The following RAB11FIP5 variants were observed in gnomAD, a reference collection of about 807,000 sequenced individuals.
RAB11FIP5 encodes RAB11 family interacting protein 5.
A neutral mutation model predicts 85.1 loss-of-function variants in RAB11FIP5; 48 were observed. The ratio of observed to expected loss-of-function variants is 0.56; its 90% CI spans 0.45 to 0.72. The LOEUF is 0.72. RAB11FIP5 is among the 30% of genes least tolerant of loss of function. The pLI is 0.00. For missense variants in RAB11FIP5, 1,491 were observed against 1,687.0 expected (o/e 0.88, Z 2.04); for synonymous variants, 729 against 727.3 (o/e 1.00, Z -0.04).
chr2:73,080,687 G>A lies in RAB11FIP5; in HGVS notation c.2545C>T (p.Leu849=). ...TCATCAGACTCTCCCCGAAAGACTAGTGAGGCTGTCTCAGCTGCAGGAGAA... is the reference window on the plus strand; with the variant it reads ...TCATCAGACTCTCCCCGAAAGACTAATGAGGCTGTCTCAGCTGCAGGAGAA... The part of the protein sequence containing the change: ...TISPAAETAS[L]VFRGESDEPA... Residue 849 remains leucine (L), a synonymous_variant, in exon 4 of 6, where the codon CTA becomes TTA. Transcript: ENST00000486777. The A allele has an allele frequency of 7.3e-6, 9 of 1,232,546 alleles. No individual in the cohort carries two copies. Among genetic ancestry groups the A allele is most frequent in the Non-Finnish European group, 9.1e-6 (9 of 988,094 alleles). 76.4% of individuals were successfully genotyped at this position (1,232,546 alleles called of 1,614,324 possible).
Position 73,079,679 on chromosome 2 carries a change from G to A in RAB11FIP5, c.3553C>T (p.Pro1185Ser). The A allele has an allele frequency of 2.4e-6, 3 of 1,233,444 alleles. No individual in the cohort carries two copies. Among genetic ancestry groups the A allele is most frequent in the Non-Finnish European group, 3.0e-6 (3 of 988,988 alleles). 76.4% of individuals were successfully genotyped at this position (1,233,444 alleles called of 1,614,324 possible). The change falls in exon 4 of 6, where the codon CCA (proline) becomes TCA (serine). Residue 1185 changes from proline (P) to serine (S), a missense_variant. Transcript: ENST00000486777. ...GCACTGGGCTGTGGCTCCTCAGCTG[G>A]TCGTGTCTCCAAGGGCAGAAGCACA... is the stretch of plus-strand genomic sequence containing the variant. ...PLVLLPLETRPAEEPQPSASP... is the reference protein window; with the variant it reads ...PLVLLPLETRSAEEPQPSASP...
chr2:73,112,307 G>GTAA, intron 1 of RAB11FIP5, 40 bp downstream of exon 1: 1 of 1,525,648 alleles, frequency 6.6e-7, no homozygotes, highest in Non-Finnish European at 8.7e-7. Context: ...CGCCCTGTTA[G>GTAA]GCCTTTAGCC....
rs997325479 is a variant in RAB11FIP5 at position 73,074,293 on chromosome 2, G to A, written c.*1228C>T. 1 of 152,386 alleles carries A rather than the reference G, an allele frequency of 6.6e-6. No homozygotes were observed. Among genetic ancestry groups the A allele is most frequent in the African/African-American group, 2.4e-5 (1 of 41,458 alleles). The allele number at this position is 152,386 out of a possible 1,614,324, so 9.4% of individuals were successfully genotyped here. On this transcript the variant is annotated 3_prime_UTR_variant, in exon 6 of 6. Transcript: ENST00000486777. The stretch of plus-strand genomic sequence containing the variant: ...TCTTCCAGGCAAGCTGACTGGTCTA[G>A]TATGGCTAAGTCCTGAGGCCAGACA...
chr2:73,076,525 C>T (rs1185089555), intron 4 of RAB11FIP5, among the ~76,000 whole-genome samples: 1 of 152,110 alleles, frequency 6.6e-6, no homozygotes, highest in Non-Finnish European at 1.5e-5. Flanking sequence ...CAGCCATCTT[C>T]CCTCCTTTCT....
rs534664748 is a variant in RAB11FIP5 at position 73,074,994 on chromosome 2, A to C, written c.*527T>G. 4.3e-5 allele frequency: 15 copies of C among 352,702 alleles called. No individual in the cohort carries two copies. The highest frequency in any genetic ancestry group is 3.1e-4 in the South Asian group (14 of 45,820). The allele number at this position is 352,702 out of a possible 1,614,324, so 21.8% of individuals were successfully genotyped here. ...CACACAGGCTTCTTGCTCTCAGGGGAATGGGTGTGAGGCTGAAGAGGCTGG... is the reference window on the plus strand; with the variant it reads ...CACACAGGCTTCTTGCTCTCAGGGGCATGGGTGTGAGGCTGAAGAGGCTGG... On this transcript the variant is annotated 3_prime_UTR_variant, in exon 6 of 6. Coordinates refer to ENST00000486777, the MANE Select transcript of RAB11FIP5 (RefSeq NM_001371272.1).
chr2:73,081,103 C>A lies in RAB11FIP5; in HGVS notation c.2129G>T (p.Gly710Val). 9.1e-7 allele frequency: 1 copy of A among 1,099,782 alleles called. No individual in the cohort carries two copies. The highest frequency in any genetic ancestry group is 4.1e-5 in the East Asian group (1 of 24,458). The allele number at this position is 1,099,782 out of a possible 1,614,324, so 68.1% of individuals were successfully genotyped here. The change falls in exon 4 of 6, where the codon GGA becomes GTA. Residue 710 changes from glycine (G) to valine (V), a missense_variant. By Grantham distance (109) the Gly-to-Val change is moderately radical. Around this residue, in one of 3 missense-constraint regions of RAB11FIP5, gnomAD observed 1,211 missense variants for 1,338.0 expected, o/e 0.91. Transcript: ENST00000486777. The surrounding 1 kb of genome is among the most constrained non-coding windows in gnomAD (Gnocchi z 4.2). ...CACGCTGCTCCCACCTCTTCCTCCTCCTCCTCCTCCTCCTCCTCCTCCTCC... is the reference window on the plus strand; with the variant it reads ...CACGCTGCTCCCACCTCTTCCTCCTACTCCTCCTCCTCCTCCTCCTCCTCC... ...PGGGGGGGGG[G>V]GGRGGSSVWL...
chr2:73,076,257 T>A, intron 4 of RAB11FIP5, 75 bp from the exon 5 acceptor site: 1 of 1,365,128 alleles, frequency 7.3e-7, no homozygotes, highest in Non-Finnish European at 1.0e-6. Context: ...GCCTTCCCTG[T>A]GGAGCCTCCA....
intron 1 of RAB11FIP5, among the ~76,000 whole-genome samples, chr2:73,095,615 T>C (rs1235287127): frequency 6.6e-6 from 1 of 152,178 alleles, no homozygotes; most frequent in African/African-American, 2.4e-5. Context: ...GGAGGCCCAT[T>C]TTACAGATGA....
At chr2:73,076,255 T>C (rs1301194451) in intron 4 of RAB11FIP5, 73 bp from the exon 5 acceptor site, 4 of 1,371,864 alleles carry the variant, frequency 2.9e-6, no homozygotes, top group Middle Eastern at 1.9e-4. Flanking sequence ...CTGCCTTCCC[T>C]GTGGAGCCTC....
In RAB11FIP5 at chr2:73,074,811, G is replaced by C. The variant is rs991841722; in HGVS notation, c.*710C>G. 2 of 209,832 alleles carry C rather than the reference G, an allele frequency of 9.5e-6. No individual in the cohort carries two copies. Among genetic ancestry groups the C allele is most frequent in the Admixed American group, 1.0e-4 (2 of 19,154 alleles). The allele number at this position is 209,832 out of a possible 1,614,324, so 13.0% of individuals were successfully genotyped here. A position where few individuals can be genotyped will look rare whatever the true frequency, so the allele number is the denominator to read the frequency against. ...AGGTGCTCTCTCCGCACCCGCCCCT[G>C]CGCCCCACACATTCCCATGTGACAC... is the stretch of plus-strand genomic sequence containing the variant. On this transcript the variant is annotated 3_prime_UTR_variant, in exon 6 of 6. Coordinates refer to ENST00000486777, the MANE Select transcript of RAB11FIP5 (RefSeq NM_001371272.1).
chr2:73,092,500 C>T (rs574083567), intron 1 of RAB11FIP5, among the ~76,000 whole-genome samples: 1 of 152,332 alleles, frequency 6.6e-6, no homozygotes, highest in African/African-American at 2.4e-5. Context: ...AAAGCTCTTG[C>T]TCCTATCTCA....
chr2:73,086,172 C>T lies in RAB11FIP5; in HGVS notation c.1568+1878G>A, dbSNP rs1176915615. 6.6e-6 allele frequency among the ~76,000 whole-genome samples: 1 copy of T among 152,222 alleles called. No individual in the cohort carries two copies. Among genetic ancestry groups the T allele is most frequent in the Admixed American group, 6.5e-5 (1 of 15,290 alleles). ...CCAGGCCATCTTACCCAAAGCACAG[C>T]CCCTCCCACCCCATCTGCATGCACG... On this transcript the variant is annotated intron_variant, in intron 3 of 5. Transcript: ENST00000486777. The surrounding 1 kb of genome is among the most constrained non-coding windows in gnomAD (Gnocchi z 4.4).
rs778215880 is a variant in RAB11FIP5 at position 73,081,501 on chromosome 2, G to A, written c.1731C>T (p.Ala577=). The change falls in exon 4 of 6, where the codon GCC becomes GCT. Residue 577 remains alanine, a synonymous_variant. Coordinates refer to ENST00000486777, the MANE Select transcript of RAB11FIP5 (RefSeq NM_001371272.1). The surrounding 1 kb of genome is among the most constrained non-coding windows in gnomAD (Gnocchi z 4.2). Reference sequence around the variant, plus strand: ...CAGGGGCGGCGGTGGTGGCGGCAGCGGCAGCAGTGGCAGCAGCGGGGGAGG... The same window carrying A: ...CAGGGGCGGCGGTGGTGGCGGCAGCAGCAGCAGTGGCAGCAGCGGGGGAGG... ...AAASPAAATA[A]AAATTAAPEA... 7.6e-4 allele frequency: 934 copies of A among 1,232,432 alleles called. No homozygotes were observed. The highest frequency in any genetic ancestry group is 8.9e-4 in the Non-Finnish European group (875 of 987,732). The allele number at this position is 1,232,432 out of a possible 1,614,324, so 76.3% of individuals were successfully genotyped here. A position where few individuals can be genotyped will look rare whatever the true frequency, so the allele number is the denominator to read the frequency against.
Position 73,073,557 on chromosome 2 carries a change from C to G in RAB11FIP5, c.*1964G>C, listed in dbSNP as rs1683779779. The G allele has an allele frequency of 1.3e-5, 2 of 152,368 alleles. No individual in the cohort carries two copies. Among genetic ancestry groups the G allele is most frequent in the Admixed American group, 1.3e-4 (2 of 15,284 alleles). 9.4% of individuals were successfully genotyped at this position (152,368 alleles called of 1,614,324 possible). On this transcript the variant is annotated 3_prime_UTR_variant, in exon 6 of 6. Coordinates refer to ENST00000486777, the MANE Select transcript of RAB11FIP5 (RefSeq NM_001371272.1). Reference sequence around the variant, plus strand: ...TAGGAGAAGAAACATCAACAAGGACCCTGGGCTTCGATTCAAAAACTCCTC... The same window carrying G: ...TAGGAGAAGAAACATCAACAAGGACGCTGGGCTTCGATTCAAAAACTCCTC...
chr2:73,089,385 G>A lies in RAB11FIP5; in HGVS notation c.432-70C>T, dbSNP rs973989727. On this transcript the variant is annotated intron_variant, in intron 1 of 5. Coordinates refer to ENST00000486777, the MANE Select transcript of RAB11FIP5 (RefSeq NM_001371272.1). The surrounding 1 kb of genome is among the most constrained non-coding windows in gnomAD (Gnocchi z 4.6). ...GAGCCTGGCTCCCGCCCGGTACCAGGCACTGCCCAGACCCCTCCTTGCTCT... is the reference window on the plus strand; with the variant it reads ...GAGCCTGGCTCCCGCCCGGTACCAGACACTGCCCAGACCCCTCCTTGCTCT... 4 of 1,493,570 alleles carry A rather than the reference G, an allele frequency of 2.7e-6. No homozygotes were observed. Among genetic ancestry groups the A allele is most frequent in the Non-Finnish European group, 3.7e-6 (4 of 1,081,068 alleles). 92.5% of individuals were successfully genotyped at this position (1,493,570 alleles called of 1,614,324 possible).
intron 3 of RAB11FIP5, 21 bp downstream of exon 3, chr2:73,088,029 T>C: frequency 1.9e-6 from 3 of 1,566,696 alleles, no homozygotes; most frequent in South Asian, 1.2e-5. Flanking sequence ...AGGAGCAAAG[T>C]TGGTCTTGCC....
Position 73,080,358 on chromosome 2 carries a change from C to T in RAB11FIP5, c.2874G>A (p.Ser958=), listed in dbSNP as rs199661727. Residue 958 remains serine (S), a synonymous_variant, in exon 4 of 6, where the codon TCG becomes TCA. Transcript: ENST00000486777. The part of the protein sequence containing the change: ...ETKEEGEKRE[S]EESDSCSSAT... Reference sequence around the variant, plus strand: ...CAGAGGAGCAGCTGTCAGACTCCTCCGACTCACGCTTCTCTCCCTCCTCCT... The same window carrying T: ...CAGAGGAGCAGCTGTCAGACTCCTCTGACTCACGCTTCTCTCCCTCCTCCT... 1.7e-3 allele frequency: 2,037 copies of T among 1,232,830 alleles called. 2 individuals carry two copies. The highest frequency in any genetic ancestry group is 2.9e-3 in the Admixed American group (69 of 23,732). 76.4% of individuals were successfully genotyped at this position (1,232,830 alleles called of 1,614,324 possible). A position where few individuals can be genotyped will look rare whatever the true frequency, so the allele number is the denominator to read the frequency against.
In RAB11FIP5 at chr2:73,076,062, T is replaced by C; in HGVS notation, c.3702A>G (p.Thr1234=). 6.2e-7 allele frequency: 1 copy of C among 1,614,168 alleles called. No individual in the cohort carries two copies. The highest frequency in any genetic ancestry group is 8.5e-7 in the Non-Finnish European group (1 of 1,179,996). The change falls in exon 5 of 6, where the codon ACA becomes ACG. Residue 1234 remains threonine (T), a synonymous_variant. Transcript: ENST00000486777. The stretch of plus-strand genomic sequence containing the variant: ...GGGTCACAGGCTGAATGCTCCCAGA[T>C]GTGACTGTTTTGAGCTTCTCCAGCC... ...SSGLEKLKTV[T]SGSIQPVTQA... is the part of the protein sequence containing the mutation.
At chr2:73,108,166 A>C (rs1210931387) in intron 1 of RAB11FIP5, among the ~76,000 whole-genome samples, 1 of 152,220 alleles carries the variant, frequency 6.6e-6, no homozygotes, top group Non-Finnish European at 1.5e-5. Context: ...GGCACAGTCT[A>C]AGCAGGGGCT....
Sources: allele counts gnomAD v4.1 joint callset (sites outside exome capture counted in the v4.1 genomes callset), GRCh38; gene constraint gnomAD v4.1.1; regional missense constraint gnomAD v4.1.1; non-coding constraint Gnocchi (gnomAD v3.1); transcripts MANE v1.5; gene names NCBI Gene and HGNC (gene_info 2026-07-23, HGNC 2026-07-21).